Variants in NFAT5 observed in about 807,000 individuals in gnomAD.
The protein encoded by NFAT5 is nuclear factor of activated T cells 5.
In NFAT5, 31 loss-of-function variants were observed where a neutral mutation model predicts 166.5. The observed-to-expected ratio is 0.19, with a 90% CI of 0.14 to 0.25. NFAT5 has a LOEUF of 0.25. NFAT5 is among the 10% of genes least tolerant of loss of function. The pLI, the probability that NFAT5 is intolerant of heterozygous loss-of-function variation, is 1.00. For missense variants in NFAT5, 1,449 were observed against 1,821.8 expected, an observed-to-expected ratio of 0.80 and a Z score of 3.72; for synonymous variants, 612 against 639.7, an observed-to-expected ratio of 0.96 and a Z score of 0.65.
intron 2 of NFAT5, among the ~76,000 whole-genome samples, chr16:69,601,264 T>C (rs1597381724): frequency 1.3e-5 from 2 of 152,226 alleles, no homozygotes; most frequent in African/African-American, 2.4e-5. Flanking sequence ...TATCTACTTA[T>C]TTATACATTT....
intron 2 of NFAT5, among the ~76,000 whole-genome samples, chr16:69,605,712 C>CTT (rs948002773): frequency 6.9e-6 from 1 of 145,408 alleles, no homozygotes; most frequent in Non-Finnish European, 1.5e-5. Context: ...TCCCTTTTTT[C>CTT]TTTTTTTTTT....
At chr16:69,611,542 T>C (rs1438263007) in intron 2 of NFAT5, among the ~76,000 whole-genome samples, 3 of 152,216 alleles carry the variant, frequency 2.0e-5, no homozygotes, top group Non-Finnish European at 4.4e-5. Context: ...AATGTATTGC[T>C]GATAGTCTGC....
intron 2 of NFAT5, among the ~76,000 whole-genome samples, chr16:69,571,845 C>T (rs917774723): frequency 6.6e-6 from 1 of 151,994 alleles, no homozygotes; most frequent in African/African-American, 2.4e-5. Flanking sequence ...CTGCAAGCTC[C>T]ACCTCCTGGG....
intron 2 of NFAT5, among the ~76,000 whole-genome samples, chr16:69,619,653 A>G (rs2034114045): frequency 6.6e-6 from 1 of 152,172 alleles, no homozygotes; most frequent in Admixed American, 6.5e-5. Context: ...TATTTTGCTG[A>G]GTGAGTACAG....
At chr16:69,657,134 A>T (rs2035912899) in intron 6 of NFAT5, among the ~76,000 whole-genome samples, 1 of 140,080 alleles carries the variant, frequency 7.1e-6, no homozygotes, top group Non-Finnish European at 1.5e-5. Context: ...ATATTTTGTA[A>T]ATTTTTTTTT....
chr16:69,580,479 C>T (rs1395729431), intron 2 of NFAT5, among the ~76,000 whole-genome samples: 4 of 150,896 alleles, frequency 2.7e-5, no homozygotes, highest in Admixed American at 2.6e-4. Context: ...TGTGGTGAGC[C>T]AGGCTCTTGC....
intron 3 of NFAT5, among the ~76,000 whole-genome samples, chr16:69,641,277 CAAAAAAAAAAAAAA>C (rs60281310): frequency 0.061 from 4,496 of 73,268 alleles, 188 homozygotes; most frequent in Middle Eastern, 0.22. Flanking sequence ...GACTCCGTCT[CAAAAAAAAAAAAAA>C]AAAAAAAAAG....
chr16:69,651,959 A>G (rs1168270066), intron 4 of NFAT5, among the ~76,000 whole-genome samples: 1 of 152,108 alleles, frequency 6.6e-6, no homozygotes, highest in Non-Finnish European at 1.5e-5. Context: ...GGTGTGGGAC[A>G]CCACACCATT....
intron 2 of NFAT5, among the ~76,000 whole-genome samples, chr16:69,603,321 C>T (rs1427870386): frequency 1.3e-5 from 2 of 152,124 alleles, no homozygotes; most frequent in African/African-American, 4.8e-5. Context: ...TAGGAATCTT[C>T]ATGTAGTAGA....
chr16:69,614,154 C>T (rs1041301326), intron 2 of NFAT5, among the ~76,000 whole-genome samples: 1 of 151,366 alleles, frequency 6.6e-6, no homozygotes, highest in African/African-American at 2.4e-5. Flanking sequence ...TTCTCTTTCT[C>T]TCTTTTTTTT....
At position 69,689,554 on chromosome 16, in the gene NFAT5, A is replaced by G. The variant is rs377615907; in HGVS notation, c.1775-1386A>G. Among the ~76,000 whole-genome samples the G allele has an allele frequency of 2.6e-5, 4 of 152,322 alleles. No individual in the cohort carries two copies. The South Asian group carries it at 8.3e-4, about 32-fold the overall frequency. On this transcript the variant is annotated intron_variant, in intron 11 of 14. Transcript: ENST00000349945. Reference sequence around the variant, plus strand: ...TTTTTAGATGAAAATATTTACTTTCAGCAGATTTTGAGACAGTCTTGCTCC... The same window carrying G: ...TTTTTAGATGAAAATATTTACTTTCGGCAGATTTTGAGACAGTCTTGCTCC...
intron 10 of NFAT5, 87 bp from the exon 11 acceptor site, chr16:69,684,800 G>A (rs2037219482): frequency 1.2e-6 from 1 of 810,526 alleles, no homozygotes; most frequent in Non-Finnish European, 1.9e-6. Context: ...GATACTTTGT[G>A]ACAAGATATT....
chr16:69,684,934 C>T lies in NFAT5; in HGVS notation c.1738C>T (p.Pro580Ser), dbSNP rs773640273. Reference sequence around the variant, plus strand: ...AAATGTGAAGAAGGAAATATCTAGTCCAGCAAGACCTTGCTCTTTTGAAGA... The same window carrying T: ...AAATGTGAAGAAGGAAATATCTAGTTCAGCAAGACCTTGCTCTTTTGAAGA... ...NVNVKKEISS[P>S]ARPCSFEEAM... is the part of the protein sequence containing the mutation. The change falls in exon 11 of 15, where the codon CCA becomes TCA. Residue 580 changes from proline to serine, a missense_variant. By Grantham distance (74) the Pro-to-Ser change is moderately conservative (BLOSUM62 -1). Transcript: ENST00000349945. 6.2e-7 allele frequency: 1 copy of T among 1,609,882 alleles called. No homozygotes were observed. The highest frequency in any genetic ancestry group is 8.5e-7 in the Non-Finnish European group (1 of 1,178,446).
rs113858497 is a variant in NFAT5 at position 69,648,320 on chromosome 16, C to T, written c.812+734C>T. 4.5e-3 allele frequency: 4,395 copies of T among 983,924 alleles called. 133 individuals are homozygous for T. In the African/African-American group the frequency reaches 0.061, roughly 14 times the overall value. 60.9% of individuals were successfully genotyped at this position (983,924 alleles called of 1,614,324 possible). A position where few individuals can be genotyped will look rare whatever the true frequency, so the allele number is the denominator to read the frequency against. Reference sequence around the variant, plus strand: ...TTTACATTTTTTAGAGGATTTTAGACTTAATTTTTTTCTCTTTAATTGATG... The same window carrying T: ...TTTACATTTTTTAGAGGATTTTAGATTTAATTTTTTTCTCTTTAATTGATG... On this transcript the variant is annotated intron_variant, in intron 4 of 14. Coordinates refer to ENST00000349945, the MANE Select transcript of NFAT5 (RefSeq NM_138713.4).
At chr16:69,633,924 A>T (rs1440325991) in intron 3 of NFAT5, among the ~76,000 whole-genome samples, 1 of 152,150 alleles carries the variant, frequency 6.6e-6, no homozygotes, top group Non-Finnish European at 1.5e-5. Context: ...GTATCAGAAC[A>T]TTATCTACCC....
chr16:69,664,884 G>T (rs552376262), intron 7 of NFAT5, among the ~76,000 whole-genome samples: 1 of 151,954 alleles, frequency 6.6e-6, no homozygotes, highest in South Asian at 2.1e-4. Flanking sequence ...AAAGTTAGCC[G>T]GGCTTGGTGG....
rs770754002 is a variant in NFAT5, at chr16:69,647,512, C to T, written c.738C>T (p.Asp246=). The part of the protein sequence containing the change: ...EESNMDIFDA[D]SAKAPHYVLS... ...CTAATATGGATATATTTGATGCCGA[C>T]AGTGCCAAAGCACCTCACTATGTGC... Residue 246 remains aspartate, a synonymous_variant, in exon 4 of 15, where the codon GAC becomes GAT. Coordinates refer to ENST00000349945, the MANE Select transcript of NFAT5 (RefSeq NM_138713.4). The surrounding 1 kb of genome is among the most constrained non-coding windows in gnomAD (Gnocchi z 4.8). 1 of 1,608,702 alleles carries T rather than the reference C, an allele frequency of 6.2e-7. No homozygotes were observed. The highest frequency in any genetic ancestry group is 1.1e-5 in the South Asian group (1 of 91,082).
intron 2 of NFAT5, among the ~76,000 whole-genome samples, chr16:69,616,709 C>G (rs553530828): frequency 1.2e-4 from 18 of 152,150 alleles, no homozygotes; most frequent in African/African-American, 4.3e-4. Context: ...ACACCACACA[C>G]TAGGCTGTCC....
At chr16:69,649,224 C>T (rs1230187036) in intron 4 of NFAT5, 1 of 955,522 alleles carries the variant, frequency 1.0e-6, no homozygotes, top group East Asian at 1.2e-4. Context: ...TCATGAATAT[C>T]ATTTAATTAC....
Sources: gnomAD v4.1 joint callset for allele counts (sites outside exome capture counted in the v4.1 genomes callset) on GRCh38, gnomAD v4.1.1 for gene constraint, Gnocchi (gnomAD v3.1) non-coding constraint, MANE v1.5 for transcripts, NCBI Gene and HGNC (gene_info 2026-07-23, HGNC 2026-07-21) for gene names.